DOCK10: variants seen among roughly 807,000 people sequenced by gnomAD.
DOCK10 encodes dedicator of cytokinesis protein 10.
In DOCK10, 145 loss-of-function variants were observed where a neutral mutation model predicts 280.1. The ratio of observed to expected loss-of-function variants is 0.52; its 90% confidence interval spans 0.45 to 0.59. DOCK10 has a LOEUF of 0.59. DOCK10 is among the 20% of genes least tolerant of loss of function. DOCK10 has a pLI of 0.00. For missense variants in DOCK10, 2,368 were observed against 2,651.7 expected (o/e 0.89, Z 2.35); for synonymous variants, 915 against 942.2 (o/e 0.97, Z 0.53).
chr2:224,867,366 T>A (rs949832789), intron 11 of DOCK10, among the ~76,000 whole-genome samples: 14 of 152,320 alleles, frequency 9.2e-5, no homozygotes, highest in African/African-American at 3.4e-4. Context: ...AGTTGCCTCC[T>A]CTGGGCTGCC....
intron 24 of DOCK10, among the ~76,000 whole-genome samples, chr2:224,838,169 C>A (rs531918652): frequency 6.6e-6 from 1 of 152,216 alleles, no homozygotes; most frequent in East Asian, 1.9e-4. Flanking sequence ...TATCTTTTTG[C>A]AAAAGGGATT....
intron 1 of DOCK10, among the ~76,000 whole-genome samples, chr2:224,951,115 G>A (rs1044968613): frequency 8.5e-5 from 13 of 152,180 alleles, no homozygotes; most frequent in Non-Finnish European, 1.6e-4. Flanking sequence ...CTGTCTATTA[G>A]ATAACGTCCA....
chr2:224,853,675 C>T (rs982769473), intron 16 of DOCK10, among the ~76,000 whole-genome samples: 3 of 152,202 alleles, frequency 2.0e-5, no homozygotes, highest in Admixed American at 2.0e-4. Context: ...TTTCTACCAC[C>T]TTTTAAAACC....
chr2:224,900,182 A>T (rs1700214554), intron 3 of DOCK10, among the ~76,000 whole-genome samples: 1 of 152,178 alleles, frequency 6.6e-6, no homozygotes, highest in Admixed American at 6.5e-5. Flanking sequence ...GATGTTCACA[A>T]TATGCCACAG....
chr2:224,797,023 A>G lies in DOCK10; in HGVS notation c.4768T>C (p.Phe1590Leu), dbSNP rs1217929495. Residue 1590 changes from phenylalanine (F) to leucine (L), a missense_variant, in exon 43 of 56, where the codon TTC becomes CTC. Around this residue, in one of 2 missense-constraint regions of DOCK10, gnomAD observed 1,159 missense variants for 1,400.8 expected, o/e 0.83. Transcript: ENST00000258390. ...QTEASALLYF[F>L]MRKNFEFNKQ... ...TTAAATTCAAAATTCTTCCTCATGA[A>G]AAAGTACAGAAGGGCTGAGGCTTCT... 1 of 1,613,606 alleles carries G rather than the reference A, an allele frequency of 6.2e-7. No individual in the cohort carries two copies. Among genetic ancestry groups the G allele is most frequent in the South Asian group, 1.1e-5 (1 of 91,026 alleles).
At chr2:225,014,830 T>A (rs1689548504) in intron 1 of DOCK10, among the ~76,000 whole-genome samples, 1 of 152,230 alleles carries the variant, frequency 6.6e-6, no homozygotes, top group Non-Finnish European at 1.5e-5. Flanking sequence ...ATTCCTTAAT[T>A]TCAGGGGATC....
At chr2:224,867,543 A>G (rs1388761252) in intron 11 of DOCK10, among the ~76,000 whole-genome samples, 2 of 152,194 alleles carry the variant, frequency 1.3e-5, no homozygotes, top group African/African-American at 4.8e-5. Context: ...AATGGGAAAG[A>G]TATGGAAGAT....
intron 4 of DOCK10, 92 bp from the exon 5 acceptor site, chr2:224,886,623 C>T: frequency 1.1e-6 from 1 of 945,136 alleles, no homozygotes; most frequent in East Asian, 2.6e-5. Flanking sequence ...AACTATGGTG[C>T]TGGTGTTCTT....
intron 1 of DOCK10, among the ~76,000 whole-genome samples, chr2:224,953,533 G>A (rs1390368946): frequency 6.6e-6 from 1 of 152,118 alleles, no homozygotes; most frequent in Non-Finnish European, 1.5e-5. Context: ...TGGTACTCAG[G>A]CTCACTGCTT....
chr2:224,928,010 T>C (rs1337044184), intron 2 of DOCK10, among the ~76,000 whole-genome samples: 1 of 152,130 alleles, frequency 6.6e-6, no homozygotes, highest in Non-Finnish European at 1.5e-5. Context: ...ATTGACTCCG[T>C]GGAGATTGAC....
chr2:224,946,770 A>G, intron 1 of DOCK10: 2 of 1,130,098 alleles, frequency 1.8e-6, no homozygotes, highest in Non-Finnish European at 2.5e-6. Flanking sequence ...CTAGAATACC[A>G]CTGTAGAGCT....
At chr2:225,032,414 C>T (rs1002369255) in intron 1 of DOCK10, among the ~76,000 whole-genome samples, 1 of 152,182 alleles carries the variant, frequency 6.6e-6, no homozygotes, top group African/African-American at 2.4e-5. Flanking sequence ...GGCATCTTAT[C>T]TCTGCATGTT....
chr2:224,795,703 A>T (rs533580859), intron 44 of DOCK10, among the ~76,000 whole-genome samples: 1 of 152,344 alleles, frequency 6.6e-6, no homozygotes, highest in South Asian at 2.1e-4. Context: ...GAGGCAGTAG[A>T]GGGATGGGTC....
chr2:224,874,958 T>G (rs1365109217), intron 8 of DOCK10, among the ~76,000 whole-genome samples: 1 of 152,240 alleles, frequency 6.6e-6, no homozygotes, highest in African/African-American at 2.4e-5. Context: ...ATTTTGGGAT[T>G]CTTGCTATGA....
intron 1 of DOCK10, among the ~76,000 whole-genome samples, chr2:225,036,903 G>GT (rs56000508): frequency 0.07 from 10,220 of 145,636 alleles, 643 homozygotes; most frequent in East Asian, 0.19. Flanking sequence ...TCCTAATACT[G>GT]TTTTTTTTTT....
chr2:224,895,837 G>A (rs1193643682), intron 4 of DOCK10, among the ~76,000 whole-genome samples: 19 of 119,614 alleles, frequency 1.6e-4, no homozygotes, highest in African/African-American at 4.3e-4. Flanking sequence ...GTGTGCGTGT[G>A]TGTGTATATA....
intron 1 of DOCK10, among the ~76,000 whole-genome samples, chr2:225,026,031 A>G (rs1689910704): frequency 6.6e-6 from 1 of 152,140 alleles, no homozygotes; most frequent in Non-Finnish European, 1.5e-5. Flanking sequence ...AGAGGGTAAC[A>G]GAAGAGGGGC....
chr2:225,042,226 A>G lies in DOCK10; in HGVS notation c.123+26T>C. 1 of 1,239,138 alleles carries G rather than the reference A, an allele frequency of 8.1e-7. No individual in the cohort carries two copies. Among genetic ancestry groups the G allele is most frequent in the Non-Finnish European group, 1.0e-6 (1 of 992,678 alleles). 76.8% of individuals were successfully genotyped at this position (1,239,138 alleles called of 1,614,324 possible). A position where few individuals can be genotyped will look rare whatever the true frequency, so the allele number is the denominator to read the frequency against. Reference sequence around the variant, plus strand: ...CCCCGGGCGCCTGGGGCGCGCGGGAAGGCGCGGAGGACGCGCCGCACTCAC... The same window carrying G: ...CCCCGGGCGCCTGGGGCGCGCGGGAGGGCGCGGAGGACGCGCCGCACTCAC... On this transcript the variant is annotated intron_variant, in intron 1 of 55. Transcript: ENST00000258390. The surrounding 1 kb of genome is among the most constrained non-coding windows in gnomAD (Gnocchi z 5.1).
At position 224,886,089 on chromosome 2, in the gene DOCK10, T is replaced by G; in HGVS notation, c.586A>C (p.Thr196Pro). The change falls in exon 6 of 56, where the codon ACC (threonine) becomes CCC (proline). Residue 196 changes from threonine to proline, a missense_variant. Thr to Pro is a conservative substitution (Grantham distance 38). Coordinates refer to ENST00000258390, the MANE Select transcript of DOCK10 (RefSeq NM_014689.3). ...GWLYKGNFNS[T>P]VNNTVTVRSF... is the part of the protein sequence containing the mutation. The stretch of plus-strand genomic sequence containing the variant: ...CGAACAGTAACGGTGTTGTTCACGG[T>G]GCTGTTAAAATTCCCCTTGTAGAGC... The G allele has an allele frequency of 1.2e-6, 2 of 1,613,842 alleles. No individual in the cohort carries two copies. The highest frequency in any genetic ancestry group is 1.7e-6 in the Non-Finnish European group (2 of 1,179,862).
Sources: gnomAD v4.1 joint callset for allele counts (sites outside exome capture counted in the v4.1 genomes callset) on GRCh38, gnomAD v4.1.1 for gene constraint, gnomAD v4.1.1 regional missense constraint, Gnocchi (gnomAD v3.1) non-coding constraint, MANE v1.5 for transcripts, NCBI Gene and HGNC (gene_info 2026-07-23, HGNC 2026-07-21) for gene names.